The following ERCC5 variants were observed in gnomAD, a reference collection of about 807,000 sequenced individuals.
The protein encoded by ERCC5 is DNA excision repair protein ERCC-5.
Under a neutral mutation model 105.6 loss-of-function variants are expected in ERCC5, and 68 were observed. The ratio of observed to expected loss-of-function variants is 0.64; its 90% CI spans 0.53 to 0.79. The LOEUF (loss-of-function observed/expected upper bound fraction) is 0.79, where lower values mean the gene tolerates loss of function less well. ERCC5 is among the 30% of genes least tolerant of loss of function. The pLI is 0.00. For missense variants in ERCC5, 1,373 were observed against 1,426.7 expected (o/e 0.96, Z 0.61); for synonymous variants, 546 against 526.2 (o/e 1.04, Z -0.51).
At position 102,858,386 on chromosome 13, in the gene ERCC5, C is replaced by T. The variant is rs56255799; in HGVS notation, c.640C>T (p.Arg214Cys). ...GACTGATATGAAAGAGTTCACCAAG[C>T]GCAGAAGAACATTATTTGAAGCAAT... is the stretch of plus-strand genomic sequence containing the variant. ...ILTDMKEFTK[R>C]RRTLFEAMPE... The change falls in exon 6 of 15, where the codon CGC becomes TGC. Residue 214 changes from arginine (R) to cysteine (C), a missense_variant. Coordinates refer to ENST00000652225, the MANE Select transcript of ERCC5 (RefSeq NM_000123.4). The T allele has an allele frequency of 1.1e-3, 1,804 of 1,613,986 alleles. 21 individuals carry two copies. In the East Asian group the frequency reaches 0.012, roughly 11 times the overall value.
In ERCC5 at chr13:102,862,289, A is replaced by T. The variant is rs2140527245; in HGVS notation, c.1140A>T (p.Glu380Asp). Residue 380 changes from glutamate (E) to aspartate (D), a missense_variant, in exon 8 of 15, where the codon GAA (glutamate) becomes GAT (aspartate). This residue lies in a region of ERCC5 where 1,004 missense variants were observed against 1,059.7 expected (regional missense o/e 0.95). Coordinates refer to ENST00000652225, the MANE Select transcript of ERCC5 (RefSeq NM_000123.4). ...GGAACGCACCTGCTGCTGTAGACGA[A>T]GGCTCCATATCACCCCGGACTCTTT... is the stretch of plus-strand genomic sequence containing the variant. ...RGRNAPAAVD[E>D]GSISPRTLSA... is the part of the protein sequence containing the mutation. 2 of 1,614,156 alleles carry T rather than the reference A, an allele frequency of 1.2e-6. No homozygotes were observed. Among genetic ancestry groups the T allele is most frequent in the Non-Finnish European group, 1.7e-6 (2 of 1,180,034 alleles).
intron 1 of ERCC5, chr13:102,849,434 A>G (rs760250224): frequency 5.8e-6 from 3 of 518,868 alleles, no homozygotes; most frequent in South Asian, 4.2e-5. Context: ...TCATGGCTGA[A>G]TTGTTTGGTG....
rs757856215 is a variant in ERCC5, at chr13:102,875,535, G to A, written c.3193G>A (p.Glu1065Lys). The change falls in exon 15 of 15, where the codon GAA becomes AAA. Residue 1065 changes from glutamate (E) to lysine (K), a missense_variant. Coordinates refer to ENST00000652225, the MANE Select transcript of ERCC5 (RefSeq NM_000123.4). Reference sequence around the variant, plus strand: ...GAAGAGAGGCATAACAAATACCTTAGAAGAGTCATCAAGCCTGAAAAGAAA... The same window carrying A: ...GAAGAGAGGCATAACAAATACCTTAAAAGAGTCATCAAGCCTGAAAAGAAA... The part of the protein sequence containing the change: ...TQKRGITNTL[E>K]ESSSLKRKRL... The A allele has an allele frequency of 6.2e-7, 1 of 1,613,900 alleles. No individual in the cohort carries two copies. The highest frequency in any genetic ancestry group is 8.5e-7 in the Non-Finnish European group (1 of 1,179,926).
intron 13 of ERCC5, among the ~76,000 whole-genome samples, chr13:102,872,658 C>T (rs1192318058): frequency 1.3e-5 from 2 of 152,168 alleles, no homozygotes; most frequent in African/African-American, 4.8e-5. Flanking sequence ...CTGCAGCCAC[C>T]ACTTCCTGGG....
rs115179272 is a variant in ERCC5, at chr13:102,864,495, A to G, written c.1955-1172A>G. Among the ~76,000 whole-genome samples the G allele has an allele frequency of 2.5e-3, 386 of 152,256 alleles. 3 individuals carry two copies. Among genetic ancestry groups the G allele is most frequent in the African/African-American group, 8.4e-3 (350 of 41,552 alleles). Reference sequence around the variant, plus strand: ...CTGTATTCCTATTTAGTGAGTTATAATCCAATACTGTCATAATTTACTTTG... The same window carrying G: ...CTGTATTCCTATTTAGTGAGTTATAGTCCAATACTGTCATAATTTACTTTG... On this transcript the variant is annotated intron_variant, in intron 8 of 14. Transcript: ENST00000652225.
chr13:102,858,252 G>A (rs201168265), intron 5 of ERCC5, 23 bp from the exon 6 acceptor site: 15 of 1,613,832 alleles, frequency 9.3e-6, no homozygotes, highest in Admixed American at 1.7e-5. Context: ...AAATTTCATG[G>A]TGCTGTGATT....
chr13:102,853,741 T>G lies in ERCC5; in HGVS notation c.265-16T>G, dbSNP rs767397228. On this transcript the variant is annotated splice_polypyrimidine_tract_variant and intron_variant, in intron 2 of 14. Coordinates refer to ENST00000652225, the MANE Select transcript of ERCC5 (RefSeq NM_000123.4). ...TAATATCCTGAAGTGAGATCTTACATCCTTTCTTCTCATAGGTGAAGAGAA... is the reference window on the plus strand; with the variant it reads ...TAATATCCTGAAGTGAGATCTTACAGCCTTTCTTCTCATAGGTGAAGAGAA... 1.6e-5 allele frequency: 25 copies of G among 1,608,962 alleles called. No individual in the cohort carries two copies. The East Asian group carries it at 5.6e-4, about 36-fold the overall frequency.
chr13:102,862,340 T>C lies in ERCC5; in HGVS notation c.1191T>C (p.Asp397=), dbSNP rs769624772. The change falls in exon 8 of 15, where the codon GAT becomes GAC. Residue 397 remains aspartate, a synonymous_variant. Transcript: ENST00000652225. ...CAGCCATTAAGAGAGCTCTTGACGATGACGAAGATGTAAAAGTGTGTGCTG... is the reference window on the plus strand; with the variant it reads ...CAGCCATTAAGAGAGCTCTTGACGACGACGAAGATGTAAAAGTGTGTGCTG... ...TLSAIKRALD[D]DEDVKVCAGD... 2 of 1,614,042 alleles carry C rather than the reference T, an allele frequency of 1.2e-6. No individual in the cohort carries two copies. Among genetic ancestry groups the C allele is most frequent in the South Asian group, 1.1e-5 (1 of 91,072 alleles).
chr13:102,856,021 T>A (rs756544326), intron 4 of ERCC5, 31 bp from the exon 5 acceptor site: 291 of 1,610,198 alleles, frequency 1.8e-4, no homozygotes, highest in Non-Finnish European at 2.3e-4. Context: ...TTAAAAATCA[T>A]AGATATCGTA....
At chr13:102,858,832 A>G (rs1882521869) in intron 6 of ERCC5, 1 of 452,154 alleles carries the variant, frequency 2.2e-6, no homozygotes, top group African/African-American at 2.0e-5. Flanking sequence ...GTAACCTATA[A>G]TATACATTGT....
chr13:102,873,244 C>T lies in ERCC5; in HGVS notation c.2880-15C>T. 6.2e-7 allele frequency: 1 copy of T among 1,613,936 alleles called. No individual in the cohort carries two copies. Among genetic ancestry groups the T allele is most frequent in the Non-Finnish European group, 8.5e-7 (1 of 1,179,920 alleles). ...AATATCTTTCAAAATATTTATAAGT[C>T]TTAACTGCATGCATATTTTGTCAGC... is the stretch of plus-strand genomic sequence containing the variant. On this transcript the variant is annotated splice_polypyrimidine_tract_variant and intron_variant, in intron 13 of 14. Transcript: ENST00000652225.
Position 102,862,388 on chromosome 13 carries a change from G to T in ERCC5, c.1239G>T (p.Gly413=). 1 of 1,614,086 alleles carries T rather than the reference G, an allele frequency of 6.2e-7. No homozygotes were observed. ...CTGGGGATGATGTGCAGACGGGAGG[G>T]CCAGGAGCAGAAGAAATGCGTATAA... ...VCAGDDVQTG[G]PGAEEMRINS... Residue 413 remains glycine (G), a synonymous_variant, in exon 8 of 15, where the codon GGG becomes GGT. Transcript: ENST00000652225.
chr13:102,857,244 T>C (rs1445501242), intron 5 of ERCC5, among the ~76,000 whole-genome samples: 1 of 152,234 alleles, frequency 6.6e-6, no homozygotes, highest in Non-Finnish European at 1.5e-5. Context: ...ATGCAGCTAG[T>C]GAGAGCAATC....
rs746518425 is a variant in ERCC5 at position 102,862,808 on chromosome 13, G to T, written c.1659G>T (p.Glu553Asp). Residue 553 changes from glutamate to aspartate, a missense_variant, in exon 8 of 15, where the codon GAG (glutamate) becomes GAT (aspartate). Physicochemically the swap from Glu to Asp is conservative, Grantham distance 45. This residue lies in a region of ERCC5 where 1,004 missense variants were observed against 1,059.7 expected (regional missense o/e 0.95). Transcript: ENST00000652225. ...LEQQNELCPY[E>D]SKFDSSLLSS... ...AGCAGAACGAACTTTGCCCATATGA[G>T]AGTAAATTCGATTCTTCTCTTCTTT... The T allele has an allele frequency of 6.2e-7, 1 of 1,614,206 alleles. No homozygotes were observed. The highest frequency in any genetic ancestry group is 1.1e-5 in the South Asian group (1 of 91,084).
In ERCC5 at chr13:102,865,614, G is replaced by T. The variant is rs949485914; in HGVS notation, c.1955-53G>T. 2.4e-5 allele frequency: 39 copies of T among 1,604,966 alleles called. No homozygotes were observed. The Admixed American group carries it at 6.6e-4, about 27-fold the overall frequency. ...TCCAGAAAGCTCTTGATGATTGCAG[G>T]ATCATTTTAATGTTTTGATTGTAGA... On this transcript the variant is annotated intron_variant, in intron 8 of 14. Coordinates refer to ENST00000652225, the MANE Select transcript of ERCC5 (RefSeq NM_000123.4). This position sits in a 1 kb window ranked among gnomAD's most constrained non-coding sequence, Gnocchi z 4.0.
chr13:102,846,952 C>T (rs1881989925), intron 1 of ERCC5, among the ~76,000 whole-genome samples: 2 of 152,156 alleles, frequency 1.3e-5, no homozygotes, highest in Non-Finnish European at 2.9e-5. Context: ...GTGATAGTAT[C>T]TACACACAGG....
chr13:102,847,296 CAT>C (rs1491450895), intron 1 of ERCC5, among the ~76,000 whole-genome samples: 27 of 133,712 alleles, frequency 2.0e-4, no homozygotes, highest in African/African-American at 7.2e-4. Context: ...GTTATGTAGT[CAT>C]TTTTTTTTTT....
intron 5 of ERCC5, 68 bp from the exon 6 acceptor site, chr13:102,858,207 C>G (rs2140523008): frequency 1.3e-6 from 2 of 1,596,970 alleles, no homozygotes; most frequent in East Asian, 2.2e-5. Flanking sequence ...TAATACATAT[C>G]CTTAATGTTG....
chr13:102,861,491 T>C lies in ERCC5; in HGVS notation c.673-16T>C, dbSNP rs1882616854. 3 of 1,613,702 alleles carry C rather than the reference T, an allele frequency of 1.9e-6. No homozygotes were observed. Among genetic ancestry groups the C allele is most frequent in the African/African-American group, 2.7e-5 (2 of 74,930 alleles). ...TAATATAAAACAGTAATTTTGTTTG[T>C]TTATTTTGCCTTTAGGAGTCTGATG... On this transcript the variant is annotated splice_polypyrimidine_tract_variant and intron_variant, in intron 6 of 14. Coordinates refer to ENST00000652225, the MANE Select transcript of ERCC5 (RefSeq NM_000123.4).
Sources: gnomAD v4.1 joint callset for allele counts (sites outside exome capture counted in the v4.1 genomes callset) on GRCh38, gnomAD v4.1.1 for gene constraint, gnomAD v4.1.1 regional missense constraint, Gnocchi (gnomAD v3.1) non-coding constraint, MANE v1.5 for transcripts, NCBI Gene and HGNC (gene_info 2026-07-23, HGNC 2026-07-21) for gene names.